The following B3GALT1 variants were observed in gnomAD, a reference collection of about 807,000 sequenced individuals.
B3GALT1 encodes UDP-Gal:betaGlcNAc beta 1,3-galactosyltransferase, polypeptide 1.
A neutral mutation model predicts 23.2 loss-of-function variants in B3GALT1; 10 were observed. That is an observed-to-expected ratio of 0.43 (90% CI 0.27 to 0.73). The LOEUF is 0.73. Ranked by LOEUF, B3GALT1 falls within the 30% of genes least tolerant of loss-of-function variation. The probability of loss-of-function intolerance (pLI) is 0.21; values close to 1 mark genes in which losing one functional copy is unlikely to be tolerated. For missense variants in B3GALT1, 299 were observed against 405.4 expected (o/e 0.74, Z 2.25); for synonymous variants, 156 against 141.5 (o/e 1.10, Z -0.73).
intron 1 of B3GALT1, among the ~76,000 whole-genome samples, chr2:167,327,979 C>CAGAAA (rs1696920777): frequency 6.6e-6 from 1 of 152,090 alleles, no homozygotes; most frequent in Non-Finnish European, 1.5e-5. Flanking sequence ...TTGAGATGAC[C>CAGAAA]ATGTAATTTC....
intron 3 of B3GALT1, among the ~76,000 whole-genome samples, chr2:167,737,218 A>T (rs1307468482): frequency 3.3e-5 from 5 of 152,220 alleles, no homozygotes; most frequent in Non-Finnish European, 5.9e-5. Context: ...CTTTGCTTGC[A>T]GTTAAGTTTT....
At chr2:167,404,929 A>G (rs1474765269) in intron 1 of B3GALT1, among the ~76,000 whole-genome samples, 5 of 152,172 alleles carry the variant, frequency 3.3e-5, no homozygotes, top group Admixed American at 6.5e-5. Flanking sequence ...TGTTACATAC[A>G]TAGGTAATTT....
At chr2:167,868,290 A>G (rs1357246965) in intron 4 of B3GALT1, among the ~76,000 whole-genome samples, 1 of 152,222 alleles carries the variant, frequency 6.6e-6, no homozygotes, top group South Asian at 2.1e-4. Context: ...GAGACACAGC[A>G]TTAGCAGAGA....
intron 3 of B3GALT1, among the ~76,000 whole-genome samples, chr2:167,670,825 A>C (rs1156487215): frequency 6.6e-6 from 1 of 152,204 alleles, no homozygotes; most frequent in African/African-American, 2.4e-5. Context: ...TGTGAACTCA[A>C]AGACAAGTCA....
intron 3 of B3GALT1, among the ~76,000 whole-genome samples, chr2:167,801,963 A>C (rs1393417440): frequency 6.6e-6 from 1 of 152,224 alleles, no homozygotes; most frequent in Non-Finnish European, 1.5e-5. Flanking sequence ...ACCATGGATC[A>C]GCCAACTACA....
chr2:167,417,692 G>A (rs982614571), intron 1 of B3GALT1, among the ~76,000 whole-genome samples: 1 of 152,152 alleles, frequency 6.6e-6, no homozygotes, highest in Non-Finnish European at 1.5e-5. Flanking sequence ...TAGGAATAAG[G>A]GTTAGTCTAC....
At chr2:167,766,881 C>A (rs1042667507) in intron 3 of B3GALT1, among the ~76,000 whole-genome samples, 4 of 152,176 alleles carry the variant, frequency 2.6e-5, no homozygotes, top group African/African-American at 9.7e-5. Context: ...TTAAGCATCG[C>A]CCCAAAAACT....
intron 1 of B3GALT1, among the ~76,000 whole-genome samples, chr2:167,467,499 T>G (rs1259459786): frequency 1.3e-5 from 2 of 152,164 alleles, no homozygotes; most frequent in African/African-American, 2.4e-5. Flanking sequence ...TTATAAACTG[T>G]TGGCTGCTGA....
intron 1 of B3GALT1, among the ~76,000 whole-genome samples, chr2:167,450,815 C>T (rs1427515965): frequency 6.6e-6 from 1 of 152,152 alleles, no homozygotes; most frequent in Non-Finnish European, 1.5e-5. Context: ...TTCTTTTCTT[C>T]ATCAGGAACA....
rs191817249 is a variant in B3GALT1 at position 167,519,738 on chromosome 2, C to T, written c.-410+29461C>T. 6.6e-5 allele frequency among the ~76,000 whole-genome samples: 10 copies of T among 152,196 alleles called. No individual in the cohort carries two copies. The East Asian group carries it at 1.5e-3, about 23-fold the overall frequency. On this transcript the variant is annotated intron_variant, in intron 2 of 4. Coordinates refer to ENST00000392690, the MANE Select transcript of B3GALT1 (RefSeq NM_020981.4). ...CACATTTCCTGCCAATACACGTAAT[C>T]GTATCATTGCATGTCCTTTTGTTCC...
intron 1 of B3GALT1, among the ~76,000 whole-genome samples, chr2:167,423,037 G>A (rs1698571861): frequency 6.6e-6 from 1 of 152,134 alleles, no homozygotes; most frequent in Non-Finnish European, 1.5e-5. Context: ...TTCCTCAAAA[G>A]TTTCTCAAAG....
At chr2:167,454,493 A>G (rs1190803302) in intron 1 of B3GALT1, among the ~76,000 whole-genome samples, 1 of 152,204 alleles carries the variant, frequency 6.6e-6, no homozygotes, top group Non-Finnish European at 1.5e-5. Context: ...GTACAGTAGG[A>G]TAAATACTTT....
intron 2 of B3GALT1, among the ~76,000 whole-genome samples, chr2:167,533,941 A>G (rs1021942353): frequency 6.6e-6 from 1 of 152,178 alleles, no homozygotes; most frequent in East Asian, 1.9e-4. Flanking sequence ...TTTTCCTCTC[A>G]GCACTTTGAA....
intron 4 of B3GALT1, among the ~76,000 whole-genome samples, chr2:167,824,926 A>C (rs993670475): frequency 2.6e-5 from 4 of 152,122 alleles, no homozygotes; most frequent in African/African-American, 9.7e-5. Context: ...ATAGAGAGAG[A>C]TCTCTGAGCT....
chr2:167,646,625 A>G (rs892681645), intron 2 of B3GALT1, among the ~76,000 whole-genome samples: 9 of 152,210 alleles, frequency 5.9e-5, no homozygotes, highest in African/African-American at 1.9e-4. Context: ...GCATCTAGCA[A>G]ACAAAGCTGA....
At chr2:167,710,127 A>G (rs1687026737) in intron 3 of B3GALT1, among the ~76,000 whole-genome samples, 5 of 152,200 alleles carry the variant, frequency 3.3e-5, no homozygotes, top group Admixed American at 3.3e-4. Context: ...CCAGGTGCAA[A>G]GGGTAGACTT....
intron 1 of B3GALT1, among the ~76,000 whole-genome samples, chr2:167,371,984 T>A (rs1478100201): frequency 6.6e-6 from 1 of 151,700 alleles, no homozygotes; most frequent in Non-Finnish European, 1.5e-5. Flanking sequence ...TTAAAAGATA[T>A]GGTTAAAATT....
At position 167,796,083 on chromosome 2, in the gene B3GALT1, CA is replaced by C. The variant is rs535199405; in HGVS notation, c.-351-22584del. On this transcript the variant is annotated intron_variant, in intron 3 of 4. Coordinates refer to ENST00000392690, the MANE Select transcript of B3GALT1 (RefSeq NM_020981.4). The stretch of plus-strand genomic sequence containing the variant: ...TATAATTTAATCTTCCCTCTTTATG[CA>C]AAAATCATTCCAGAACTTAATGTCA... 6.6e-5 allele frequency among the ~76,000 whole-genome samples: 10 copies of C among 152,262 alleles called. No individual in the cohort carries two copies. In the East Asian group the frequency reaches 1.4e-3, roughly 21 times the overall value.
At chr2:167,554,977 C>T (rs1683817414) in intron 2 of B3GALT1, among the ~76,000 whole-genome samples, 1 of 152,170 alleles carries the variant, frequency 6.6e-6, no homozygotes, top group Non-Finnish European at 1.5e-5. Context: ...AAGGATGGCT[C>T]TGTCTTCTGG....
Sources: allele counts gnomAD v4.1 joint callset (sites outside exome capture counted in the v4.1 genomes callset), GRCh38; gene constraint gnomAD v4.1.1; transcripts MANE v1.5; gene names NCBI Gene and HGNC (gene_info 2026-07-23, HGNC 2026-07-21).